Variants in TLN2 observed in about 807,000 individuals in gnomAD.
TLN2 encodes the protein talin-2.
Under a neutral mutation model 294.7 loss-of-function variants are expected in TLN2, and 118 were observed. That is an observed-to-expected ratio of 0.40 (90% CI 0.34 to 0.47). The LOEUF is 0.47. TLN2 is among the 20% of genes least tolerant of loss of function. The pLI is 0.84. For missense variants in TLN2, 3,083 were observed against 3,282.2 expected (o/e 0.94, Z 1.48); for synonymous variants, 1,431 against 1,304.5 (o/e 1.10, Z -2.09).
intron 43 of TLN2, among the ~76,000 whole-genome samples, chr15:62,777,851 C>T (rs1368992055): frequency 6.6e-6 from 1 of 152,196 alleles, no homozygotes; most frequent in African/African-American, 2.4e-5. Flanking sequence ...GAGACAGTTT[C>T]AACTCCATAT....
chr15:62,643,386 T>C (rs1390385645), intron 3 of TLN2, among the ~76,000 whole-genome samples: 1 of 148,632 alleles, frequency 6.7e-6, no homozygotes, highest in African/African-American at 2.5e-5. Flanking sequence ...TCTGTAAGAA[T>C]GATTAGTTTG....
intron 51 of TLN2, among the ~76,000 whole-genome samples, chr15:62,806,024 T>TA (rs1380240049): frequency 6.6e-6 from 1 of 151,976 alleles, no homozygotes; most frequent in Non-Finnish European, 1.5e-5. Flanking sequence ...CCTCATCTCT[T>TA]AAAAAAAATT....
intron 10 of TLN2, among the ~76,000 whole-genome samples, 176 bp from the exon 11 acceptor site, chr15:62,675,041 G>T (rs1244215241): frequency 6.6e-6 from 1 of 152,206 alleles, no homozygotes; most frequent in African/African-American, 2.4e-5. Flanking sequence ...AGAACTTCCT[G>T]CATGCTCTGA....
chr15:62,756,680 G>T (rs940423975), intron 37 of TLN2, among the ~76,000 whole-genome samples: 3 of 152,162 alleles, frequency 2.0e-5, no homozygotes, highest in Non-Finnish European at 1.5e-5. Context: ...AGTAAGAGAA[G>T]TTTTCCCAGT....
chr15:62,477,757 T>TG (rs1442692904), intron 1 of TLN2, among the ~76,000 whole-genome samples: 1 of 151,822 alleles, frequency 6.6e-6, no homozygotes, highest in East Asian at 1.9e-4. Flanking sequence ...TACTGGAAGC[T>TG]GGGGACTGGG....
At chr15:62,824,403 T>A (rs1363936148) in intron 54 of TLN2, among the ~76,000 whole-genome samples, 1 of 152,222 alleles carries the variant, frequency 6.6e-6, no homozygotes, top group Non-Finnish European at 1.5e-5. Flanking sequence ...TGGTTCATTT[T>A]TATCCTGATC....
rs34652592 is a variant in TLN2 at position 62,482,731 on chromosome 15, T to TA, written c.-238+92055dup. Reference sequence around the variant, plus strand: ...AAAAGCAAAATAAATACAAAAGAGTTAAAAAAAAATGGGGTTTCAGATCTG... The same window carrying TA: ...AAAAGCAAAATAAATACAAAAGAGTTAAAAAAAAAATGGGGTTTCAGATCTG... On this transcript the variant is annotated intron_variant, in intron 1 of 58. Transcript: ENST00000636159. Among the ~76,000 whole-genome samples the TA allele has an allele frequency of 4.4e-3, 668 of 150,996 alleles. 7 individuals carry two copies. The highest frequency in any genetic ancestry group is 0.02 in the East Asian group (104 of 5,134).
chr15:62,508,106 T>C (rs1253579224), intron 1 of TLN2, among the ~76,000 whole-genome samples: 1 of 152,158 alleles, frequency 6.6e-6, no homozygotes, highest in Non-Finnish European at 1.5e-5. Flanking sequence ...ATATATTTGG[T>C]AGAGATGAAT....
At chr15:62,563,479 T>C (rs1274546842) in intron 1 of TLN2, among the ~76,000 whole-genome samples, 1 of 152,206 alleles carries the variant, frequency 6.6e-6, no homozygotes, top group Non-Finnish European at 1.5e-5. Flanking sequence ...TTGTTGTAGA[T>C]TCTGGTTTTT....
chr15:62,438,802 A>G (rs1381487744), intron 1 of TLN2, among the ~76,000 whole-genome samples: 2 of 152,140 alleles, frequency 1.3e-5, no homozygotes, highest in African/African-American at 4.8e-5. Flanking sequence ...TGCTCAGGTG[A>G]TCCCAAGGAC....
chr15:62,670,771 T>C lies in TLN2; in HGVS notation c.789-3056T>C, dbSNP rs189847342. Among the ~76,000 whole-genome samples, 10 of 152,364 alleles carry C rather than the reference T, an allele frequency of 6.6e-5. No homozygotes were observed. The East Asian group carries it at 1.9e-3, about 29-fold the overall frequency. On this transcript the variant is annotated intron_variant, in intron 9 of 58. Coordinates refer to ENST00000636159, the MANE Select transcript of TLN2 (RefSeq NM_015059.3). ...TTAATAATGCTGCTGTGAACGTTTG[T>C]GTACAAGTTTTTGTGTGGGAGTGTT...
At chr15:62,742,973 C>G (rs1385748578) in intron 32 of TLN2, among the ~76,000 whole-genome samples, 1 of 152,124 alleles carries the variant, frequency 6.6e-6, no homozygotes, top group African/African-American at 2.4e-5. Context: ...CATCACAGGC[C>G]TGATGTGGGT....
chr15:62,604,945 C>T (rs1319133561), intron 2 of TLN2, among the ~76,000 whole-genome samples: 4 of 152,042 alleles, frequency 2.6e-5, no homozygotes, highest in African/African-American at 9.7e-5. Context: ...GACTGAGCCC[C>T]ATCATAGGTG....
At chr15:62,826,196 G>A (rs1051216393) in intron 54 of TLN2, among the ~76,000 whole-genome samples, 2 of 151,754 alleles carry the variant, frequency 1.3e-5, no homozygotes, top group African/African-American at 4.8e-5. Flanking sequence ...TTTCTATATC[G>A]ACATTCAAGG....
intron 1 of TLN2, among the ~76,000 whole-genome samples, chr15:62,531,414 GGA>G (rs1447262595): frequency 3.3e-5 from 5 of 152,174 alleles, no homozygotes; most frequent in African/African-American, 1.2e-4. Flanking sequence ...GGCTGGTTGG[GGA>G]GATGATGGTC....
At chr15:62,715,046 A>G (rs188451336) in intron 22 of TLN2, among the ~76,000 whole-genome samples, 2 of 152,350 alleles carry the variant, frequency 1.3e-5, no homozygotes, top group African/African-American at 2.4e-5. Context: ...AAGTAGCCCA[A>G]TCCTTTTACA....
rs1381129886 is a variant in TLN2 at position 62,737,118 on chromosome 15, A to C, written c.3567+32A>C. 2.5e-6 allele frequency: 4 copies of C among 1,610,894 alleles called. No homozygotes were observed. The South Asian group carries it at 3.3e-5, about 13-fold the overall frequency. On this transcript the variant is annotated intron_variant, in intron 29 of 58. Coordinates refer to ENST00000636159, the MANE Select transcript of TLN2 (RefSeq NM_015059.3). ...CTAGGAATGAGAAATTGTGGTTGTCATGGTCATCATTAACGTGGACATGTG... is the reference window on the plus strand; with the variant it reads ...CTAGGAATGAGAAATTGTGGTTGTCCTGGTCATCATTAACGTGGACATGTG...
At chr15:62,450,851 A>C (rs1054937530) in intron 1 of TLN2, among the ~76,000 whole-genome samples, 1 of 151,970 alleles carries the variant, frequency 6.6e-6, no homozygotes, top group South Asian at 2.1e-4. Context: ...GATTATAGGC[A>C]TGAGCTACCA....
intron 32 of TLN2, among the ~76,000 whole-genome samples, chr15:62,742,072 T>TGA (rs1555495865): frequency 0.039 from 5,553 of 142,386 alleles, 202 homozygotes; most frequent in African/African-American, 0.068. Context: ...TGTGTGTGTG[T>TGA]GTGAAGGGTT....
Sources: gnomAD v4.1 joint callset for allele counts (sites outside exome capture counted in the v4.1 genomes callset) on GRCh38, gnomAD v4.1.1 for gene constraint, MANE v1.5 for transcripts, NCBI Gene and HGNC (gene_info 2026-07-23, HGNC 2026-07-21) for gene names.